Variants in TIAM1 observed in about 807,000 individuals in gnomAD.
The protein encoded by TIAM1 is TIAM Rac1 associated GEF 1.
A neutral mutation model predicts 163.5 loss-of-function variants in TIAM1; 65 were observed. That is an observed-to-expected ratio of 0.40 (90% CI 0.33 to 0.49). TIAM1 has a LOEUF of 0.49. Among genes scored for constraint, TIAM1 ranks in the 20% least tolerant of loss-of-function variants. The pLI is 0.77. For missense variants in TIAM1, 1,789 were observed against 2,044.7 expected (o/e 0.87, Z 2.41); for synonymous variants, 833 against 810.1 (o/e 1.03, Z -0.48).
chr21:31,533,739 A>AG (rs1225115937), intron 1 of TIAM1, among the ~76,000 whole-genome samples: 1 of 152,174 alleles, frequency 6.6e-6, no homozygotes, highest in African/African-American at 2.4e-5. Context: ...CTCTAAAAAA[A>AG]TAAAATAAAA....
At chr21:31,191,558 T>C (rs1353931953) in intron 13 of TIAM1, among the ~76,000 whole-genome samples, 1 of 152,332 alleles carries the variant, frequency 6.6e-6, no homozygotes, top group Admixed American at 6.5e-5. Flanking sequence ...GAACCTCTTG[T>C]AGCTTTGACA....
chr21:31,292,883 G>A (rs897480749), intron 2 of TIAM1, among the ~76,000 whole-genome samples: 8 of 151,830 alleles, frequency 5.3e-5, no homozygotes, highest in South Asian at 2.1e-4. Context: ...TGGCCAGGCT[G>A]GTCTCGAACT....
chr21:31,415,730 C>G (rs1242434694), intron 2 of TIAM1, among the ~76,000 whole-genome samples: 1 of 152,184 alleles, frequency 6.6e-6, no homozygotes, highest in East Asian at 1.9e-4. Flanking sequence ...GGCTCCATGA[C>G]TCCGTTTTAC....
At chr21:31,451,818 TA>T (rs1466887904) in intron 2 of TIAM1, among the ~76,000 whole-genome samples, 2 of 150,452 alleles carry the variant, frequency 1.3e-5, no homozygotes, top group Non-Finnish European at 3.0e-5. Context: ...ATACAAAAAC[TA>T]GTGTTTAGGA....
chr21:31,197,293 C>T (rs1217392505), intron 12 of TIAM1, among the ~76,000 whole-genome samples: 1 of 152,026 alleles, frequency 6.6e-6, no homozygotes, highest in African/African-American at 2.4e-5. Flanking sequence ...GGAAAAAGAG[C>T]TTTGTACAAA....
At chr21:31,162,568 C>T (rs2083979160) in intron 16 of TIAM1, among the ~76,000 whole-genome samples, 2 of 151,998 alleles carry the variant, frequency 1.3e-5, no homozygotes, top group Admixed American at 1.3e-4. Flanking sequence ...GAATGAAATA[C>T]GAACTTATGG....
chr21:31,269,600 A>G (rs1375222282), intron 3 of TIAM1, among the ~76,000 whole-genome samples: 2 of 152,062 alleles, frequency 1.3e-5, no homozygotes, highest in East Asian at 3.9e-4. Context: ...CAGGAGACAC[A>G]ATCTCCACTT....
At chr21:31,473,886 T>TA (rs369769831) in intron 1 of TIAM1, among the ~76,000 whole-genome samples, 33 of 152,212 alleles carry the variant, frequency 2.2e-4, no homozygotes, top group African/African-American at 6.3e-4. Flanking sequence ...TGCACTGCTA[T>TA]AAAAAAACAC....
chr21:31,268,196 A>G (rs2072889631), intron 3 of TIAM1, among the ~76,000 whole-genome samples: 1 of 152,208 alleles, frequency 6.6e-6, no homozygotes, highest in African/African-American at 2.4e-5. Flanking sequence ...ATACACATTG[A>G]GCACCTACCA....
intron 2 of TIAM1, among the ~76,000 whole-genome samples, chr21:31,381,941 C>G (rs1454779914): frequency 6.6e-6 from 1 of 152,164 alleles, no homozygotes; most frequent in Admixed American, 6.6e-5. Flanking sequence ...TCATCAGGGA[C>G]CTTGGTCTTG....
chr21:31,224,057 G>T (rs2087784373), intron 7 of TIAM1, among the ~76,000 whole-genome samples: 1 of 152,204 alleles, frequency 6.6e-6, no homozygotes, highest in Admixed American at 6.5e-5. Flanking sequence ...ACACAAGATG[G>T]TGGAGACCCA....
At chr21:31,161,859 T>C (rs1166713982) in intron 16 of TIAM1, among the ~76,000 whole-genome samples, 4 of 152,350 alleles carry the variant, frequency 2.6e-5, no homozygotes, top group South Asian at 4.1e-4. Flanking sequence ...TTCACACTTA[T>C]ATAGGAGACG....
intron 2 of TIAM1, among the ~76,000 whole-genome samples, chr21:31,277,515 G>A (rs1394558873): frequency 6.6e-6 from 1 of 152,150 alleles, no homozygotes; most frequent in East Asian, 1.9e-4. Flanking sequence ...CATGATGGTA[G>A]GTGCTTGTAA....
chr21:31,355,790 G>A (rs1280152171), intron 2 of TIAM1, among the ~76,000 whole-genome samples: 1 of 151,134 alleles, frequency 6.6e-6, no homozygotes, highest in East Asian at 2.0e-4. Flanking sequence ...GGACTCAAGT[G>A]ATCTGCCCGC....
chr21:31,220,124 GAGGCAACCGTATAA>G (rs2087473746), intron 8 of TIAM1, among the ~76,000 whole-genome samples: 1 of 152,138 alleles, frequency 6.6e-6, no homozygotes. Flanking sequence ...CACATACATA[GAGGCAACCGTATAA>G]AATACGTCGA....
intron 4 of TIAM1, among the ~76,000 whole-genome samples, chr21:31,255,644 G>T (rs376228283): frequency 3.3e-5 from 5 of 152,296 alleles, no homozygotes; most frequent in African/African-American, 1.2e-4. Context: ...AGCAGTTTTT[G>T]TAGCAACTGC....
intron 15 of TIAM1, among the ~76,000 whole-genome samples, chr21:31,167,336 G>A (rs1175750947): frequency 1.3e-5 from 2 of 151,988 alleles, no homozygotes; most frequent in African/African-American, 2.4e-5. Context: ...GCCCACCTCG[G>A]CCTCCCAAAG....
At chr21:31,212,017 A>G (rs2086909533) in intron 10 of TIAM1, among the ~76,000 whole-genome samples, 1 of 152,210 alleles carries the variant, frequency 6.6e-6, no homozygotes, top group African/African-American at 2.4e-5. Flanking sequence ...CTCAGAAATG[A>G]CCAAGTTAAC....
intron 3 of TIAM1, among the ~76,000 whole-genome samples, chr21:31,269,989 C>A (rs527507961): frequency 6.6e-6 from 1 of 152,112 alleles, no homozygotes; most frequent in Admixed American, 6.6e-5. Flanking sequence ...TTAAGTTTTA[C>A]CCTTTCCATG....
Sources: allele counts gnomAD v4.1 joint callset (sites outside exome capture counted in the v4.1 genomes callset), GRCh38; gene constraint gnomAD v4.1.1; transcripts MANE v1.5; gene names NCBI Gene and HGNC (gene_info 2026-07-23, HGNC 2026-07-21).